Variants in PEAK1 observed in about 807,000 individuals in gnomAD.
The protein encoded by PEAK1 is pseudopodium enriched atypical kinase 1.
Under a neutral mutation model 124.7 loss-of-function variants are expected in PEAK1, and 54 were observed. That is an observed-to-expected ratio of 0.43 (90% confidence interval 0.35 to 0.54). PEAK1 has a LOEUF of 0.54. Ranked by LOEUF, PEAK1 falls within the 20% of genes least tolerant of loss-of-function variation. PEAK1 has a pLI of 0.01. For missense variants in PEAK1, 2,046 were observed against 2,134.5 expected (o/e 0.96, Z 0.82); for synonymous variants, 719 against 760.0 (o/e 0.95, Z 0.89).
chr15:77,182,127 C>T lies in PEAK1; in HGVS notation c.-114-87G>A, dbSNP rs1567084475. On this transcript the variant is annotated intron_variant, in intron 6 of 9. Coordinates refer to ENST00000682557, the MANE Select transcript of PEAK1 (RefSeq NM_001385026.1). ...ATTAGTGACTTGAAAAAACTGACTC[C>T]ATTCCTAAACTTTTCCTTAAATTAA... 6 of 1,191,718 alleles carry T rather than the reference C, an allele frequency of 5.0e-6. No individual in the cohort carries two copies. The Admixed American group carries it at 1.5e-4, about 30-fold the overall frequency. 73.8% of individuals were successfully genotyped at this position (1,191,718 alleles called of 1,614,324 possible).
intron 2 of PEAK1, chr15:77,333,992 T>C (rs1272057148): frequency 2.3e-6 from 1 of 444,332 alleles, no homozygotes; most frequent in Non-Finnish European, 3.0e-6. Context: ...AATTCATAGA[T>C]TTGGGAAGAA....
In PEAK1 at chr15:77,270,960, C is replaced by T. The variant is rs186750428; in HGVS notation, c.-275+12923G>A. 2.0e-3 allele frequency among the ~76,000 whole-genome samples: 304 copies of T among 152,138 alleles called. 1 individual carries two copies. Among genetic ancestry groups the T allele is most frequent in the African/African-American group, 6.8e-3 (281 of 41,510 alleles). On this transcript the variant is annotated intron_variant, in intron 5 of 9. Transcript: ENST00000682557. ...CTAATTAAACTAAAGAGCTTCCGCACGGCAAAAGAAACTACCATCAGAGTG... is the reference window on the plus strand; with the variant it reads ...CTAATTAAACTAAAGAGCTTCCGCATGGCAAAAGAAACTACCATCAGAGTG...
chr15:77,164,219 C>A (rs2055904996), intron 7 of PEAK1, among the ~76,000 whole-genome samples: 3 of 152,200 alleles, frequency 2.0e-5, no homozygotes, highest in South Asian at 2.1e-4. Flanking sequence ...AAGTGTGTGT[C>A]TACTGATCAC....
At chr15:77,241,842 T>A (rs981483024) in intron 6 of PEAK1, among the ~76,000 whole-genome samples, 1 of 151,892 alleles carries the variant, frequency 6.6e-6, no homozygotes, top group Admixed American at 6.6e-5. Context: ...CCAAAATAAA[T>A]GGAGAGATAG....
chr15:77,365,152 A>G lies in PEAK1; in HGVS notation c.-603+11T>C, dbSNP rs1403224798. 1 of 938,016 alleles carries G rather than the reference A, an allele frequency of 1.1e-6. No homozygotes were observed. Among genetic ancestry groups the G allele is most frequent in the East Asian group, 1.2e-4 (1 of 8,596 alleles). The allele number at this position is 938,016 out of a possible 1,614,324, so 58.1% of individuals were successfully genotyped here. A position where few individuals can be genotyped will look rare whatever the true frequency, so the allele number is the denominator to read the frequency against. ...ATATTAAAAGGCAAATGAATTCATA[A>G]ATTATCTCACCTTTGGTTTTTAGAT... On this transcript the variant is annotated intron_variant, in intron 2 of 9. Transcript: ENST00000682557.
chr15:77,202,178 TG>T (rs1299080326), intron 6 of PEAK1, among the ~76,000 whole-genome samples: 1 of 152,206 alleles, frequency 6.6e-6, no homozygotes, highest in Non-Finnish European at 1.5e-5. Flanking sequence ...AGAAGCATCA[TG>T]TTTTCTGCCT....
intron 8 of PEAK1, among the ~76,000 whole-genome samples, chr15:77,134,213 G>T (rs1162171614): frequency 2.0e-5 from 3 of 152,150 alleles, no homozygotes; most frequent in Non-Finnish European, 4.4e-5. Flanking sequence ...CATTAGACAG[G>T]GGCTCAGAAG....
In PEAK1 at chr15:77,373,755, T is replaced by C. The variant is rs189745412; in HGVS notation, c.-665-8530A>G. Among the ~76,000 whole-genome samples, 6 of 152,328 alleles carry C rather than the reference T, an allele frequency of 3.9e-5. No homozygotes were observed. The East Asian group carries it at 9.6e-4, about 24-fold the overall frequency. On this transcript the variant is annotated intron_variant, in intron 1 of 9. Transcript: ENST00000682557. ...TTTAAATATCACTCCTGCCTCTTCATAGCCAAAGCACAGGACACTGCCTAG... is the reference window on the plus strand; with the variant it reads ...TTTAAATATCACTCCTGCCTCTTCACAGCCAAAGCACAGGACACTGCCTAG...
At chr15:77,117,544 G>C (rs2051500155) in intron 9 of PEAK1, among the ~76,000 whole-genome samples, 1 of 152,182 alleles carries the variant, frequency 6.6e-6, no homozygotes, top group African/African-American at 2.4e-5. Flanking sequence ...GAGCAAAACA[G>C]AAAAATAGAT....
chr15:77,214,680 G>A (rs531254266), intron 6 of PEAK1, among the ~76,000 whole-genome samples: 2 of 151,922 alleles, frequency 1.3e-5, no homozygotes, highest in Non-Finnish European at 2.9e-5. Context: ...TCTGCAGGCC[G>A]TACAGGTTTC....
chr15:77,364,918 T>A (rs988275853), intron 2 of PEAK1, among the ~76,000 whole-genome samples: 1 of 152,224 alleles, frequency 6.6e-6, no homozygotes, highest in African/African-American at 2.4e-5. Flanking sequence ...AATTTCGTCT[T>A]TGAGTATTAA....
At chr15:77,155,284 T>C (rs550734957) in intron 8 of PEAK1, 1 of 152,376 alleles carries the variant, frequency 6.6e-6, no homozygotes, top group South Asian at 2.1e-4. Context: ...CATCGGCTCC[T>C]GAGGCGTCTG....
In PEAK1 at chr15:77,348,056, T is replaced by C. The variant is rs190811604; in HGVS notation, c.-603+17107A>G. ...CACATGGCTATCAAATATATGCACT[T>C]TTCTACAAAAACATTTTGGTCAGAC... is the stretch of plus-strand genomic sequence containing the variant. On this transcript the variant is annotated intron_variant, in intron 2 of 9. Coordinates refer to ENST00000682557, the MANE Select transcript of PEAK1 (RefSeq NM_001385026.1). The C allele has an allele frequency of 8.1e-6, 8 of 985,278 alleles. No individual in the cohort carries two copies. In the East Asian group the frequency reaches 6.8e-4, roughly 84 times the overall value. 61.0% of individuals were successfully genotyped at this position (985,278 alleles called of 1,614,324 possible). A position where few individuals can be genotyped will look rare whatever the true frequency, so the allele number is the denominator to read the frequency against.
chr15:77,266,092 G>A (rs2061709622), intron 5 of PEAK1, among the ~76,000 whole-genome samples: 1 of 151,934 alleles, frequency 6.6e-6, no homozygotes, highest in Admixed American at 6.6e-5. Context: ...TCACACTCTG[G>A]GGACTGTTGT....
intron 2 of PEAK1, chr15:77,331,098 T>C (rs1276208847): frequency 1.5e-6 from 1 of 664,942 alleles, no homozygotes; most frequent in Non-Finnish European, 1.9e-6. Flanking sequence ...GTACATTGAA[T>C]CAATTTTCTA....
intron 2 of PEAK1, chr15:77,351,050 T>TC: frequency 4.7e-6 from 3 of 635,172 alleles, no homozygotes; most frequent in Non-Finnish European, 5.9e-6. Context: ...AGCCCCTGCC[T>TC]TCAGAGGCAG....
At chr15:77,116,060 G>T (rs1221593913) in intron 9 of PEAK1, among the ~76,000 whole-genome samples, 3 of 152,110 alleles carry the variant, frequency 2.0e-5, no homozygotes, top group South Asian at 4.1e-4. Context: ...CTTTCATAAA[G>T]AACTTTACTA....
Position 77,111,348 on chromosome 15 carries a change from G to C in PEAK1, c.*2808C>G, listed in dbSNP as rs756053451. The C allele has an allele frequency of 1.3e-5, 2 of 152,178 alleles. No homozygotes were observed. The highest frequency in any genetic ancestry group is 2.9e-5 in the Non-Finnish European group (2 of 68,026). 9.4% of individuals were successfully genotyped at this position (152,178 alleles called of 1,614,324 possible). A position where few individuals can be genotyped will look rare whatever the true frequency, so the allele number is the denominator to read the frequency against. On this transcript the variant is annotated 3_prime_UTR_variant, in exon 10 of 10. Transcript: ENST00000682557. ...AAAATATTTGTGATAATGTTAAACT[G>C]ACTGAATTTCATTTTTTTGGAAAAA... is the stretch of plus-strand genomic sequence containing the variant.
At chr15:77,141,375 C>T (rs1182211817) in intron 8 of PEAK1, among the ~76,000 whole-genome samples, 2 of 152,148 alleles carry the variant, frequency 1.3e-5, no homozygotes, top group East Asian at 1.9e-4. Flanking sequence ...TATAAAACAT[C>T]GCTGAAAGAA....
Sources: allele counts gnomAD v4.1 joint callset (sites outside exome capture counted in the v4.1 genomes callset), GRCh38; gene constraint gnomAD v4.1.1; transcripts MANE v1.5; gene names NCBI Gene and HGNC (gene_info 2026-07-23, HGNC 2026-07-21).